STK32C: variants seen among roughly 807,000 people sequenced by gnomAD.
STK32C encodes the protein serine/threonine-protein kinase 32C.
Under a neutral mutation model 56.5 loss-of-function variants are expected in STK32C, and 31 were observed. That is an observed-to-expected ratio of 0.55 (90% CI 0.41 to 0.74). The LOEUF is 0.74. Among genes scored for constraint, STK32C ranks in the 30% least tolerant of loss-of-function variants. The pLI, the probability that STK32C is intolerant of heterozygous loss-of-function variation, is 0.00. For synonymous variants in STK32C, 309 were observed against 289.4 expected (o/e 1.07, Z -0.69); for missense variants, 544 against 676.9 (o/e 0.80, Z 2.18).
intron 2 of STK32C, among the ~76,000 whole-genome samples, chr10:132,233,258 G>A (rs1385482580): frequency 1.3e-5 from 2 of 152,178 alleles, no homozygotes; most frequent in Admixed American, 6.5e-5. Context: ...TGGAGGCAGA[G>A]GGGTCCCCCA....
chr10:132,296,412 A>G (rs569321057), intron 1 of STK32C, among the ~76,000 whole-genome samples: 4 of 152,012 alleles, frequency 2.6e-5, no homozygotes, highest in Non-Finnish European at 5.9e-5. Context: ...CGACAAATGT[A>G]CCCGGTTAAT....
chr10:132,288,440 T>C (rs1314642396), intron 1 of STK32C, among the ~76,000 whole-genome samples: 2 of 152,252 alleles, frequency 1.3e-5, no homozygotes, highest in Non-Finnish European at 2.9e-5. Context: ...AATTGGCTCC[T>C]GTGAGCCAGT....
intron 2 of STK32C, among the ~76,000 whole-genome samples, chr10:132,241,010 G>A (rs1405479772): frequency 2.6e-5 from 4 of 152,248 alleles, no homozygotes; most frequent in African/African-American, 9.6e-5. Flanking sequence ...CTGGCCGAGT[G>A]GAAATCCGGC....
chr10:132,241,085 C>T (rs1416999758), intron 2 of STK32C, among the ~76,000 whole-genome samples: 1 of 152,248 alleles, frequency 6.6e-6, no homozygotes, highest in African/African-American at 2.4e-5. Flanking sequence ...ACACCCCAAA[C>T]ACTCCTAGTT....
exon 1 of STK32C, chr10:132,331,795 T>C (rs2138536192): frequency 6.2e-7 from 1 of 1,600,058 alleles, no homozygotes. Context: ...CCTCGCGGTC[T>C]CTACTTGCCC....
At chr10:132,227,120 G>A in intron 3 of STK32C, 152 bp from the exon 4 acceptor site, 1 of 874,854 alleles carries the variant, frequency 1.1e-6, no homozygotes, top group Non-Finnish European at 1.8e-6. Flanking sequence ...CCAAGGCACT[G>A]ATTGCACCCC....
chr10:132,241,951 A>C (rs924221606), intron 2 of STK32C, among the ~76,000 whole-genome samples: 1 of 152,138 alleles, frequency 6.6e-6, no homozygotes, highest in Non-Finnish European at 1.5e-5. Context: ...TACTAAAAAT[A>C]CAAAAAAAAT....
intron 1 of STK32C, among the ~76,000 whole-genome samples, chr10:132,273,757 A>AG (rs2064908482): frequency 6.6e-6 from 1 of 152,194 alleles, no homozygotes; most frequent in South Asian, 2.1e-4. Context: ...GAATGAATGC[A>AG]GTGAGTGAAT....
intron 4 of STK32C, among the ~76,000 whole-genome samples, chr10:132,226,091 C>T (rs2062879448): frequency 6.6e-6 from 1 of 152,248 alleles, no homozygotes; most frequent in African/African-American, 2.4e-5. Context: ...TGCCCTCCCC[C>T]TCCAAGACTC....
upstream of STK32C, chr10:132,331,923 C>A (rs1403742244): frequency 1.5e-5 from 10 of 680,430 alleles, 2 homozygotes; most frequent in South Asian, 4.3e-5. Context: ...ACAACCCCCC[C>A]ACCGCAAGCG....
intron 4 of STK32C, among the ~76,000 whole-genome samples, chr10:132,226,022 A>G (rs1217804388): frequency 6.6e-6 from 1 of 152,186 alleles, no homozygotes; most frequent in Non-Finnish European, 1.5e-5. Context: ...CACACCTGGC[A>G]CCAGATGCTG....
At chr10:132,294,097 A>C (rs1379108894) in intron 1 of STK32C, among the ~76,000 whole-genome samples, 3 of 152,186 alleles carry the variant, frequency 2.0e-5, no homozygotes, top group Non-Finnish European at 4.4e-5. Flanking sequence ...GAATGTGGGA[A>C]ACAGGTCCCA....
chr10:132,264,686 CCTAGTGGGGCT>C (rs1565125035), intron 1 of STK32C, among the ~76,000 whole-genome samples: 1 of 152,162 alleles, frequency 6.6e-6, no homozygotes, highest in Admixed American at 6.5e-5. Flanking sequence ...CAAACCAGCA[CCTAGTGGGGCT>C]CGCATGGGGC....
chr10:132,225,964 G>A (rs528397506), intron 4 of STK32C, among the ~76,000 whole-genome samples, 180 bp from the exon 5 acceptor site: 2 of 152,362 alleles, frequency 1.3e-5, no homozygotes, highest in Admixed American at 6.5e-5. Flanking sequence ...TGGGGGCAGA[G>A]GCGATGAAGT....
intron 1 of STK32C, among the ~76,000 whole-genome samples, chr10:132,273,309 T>C (rs886386614): frequency 6.6e-6 from 1 of 151,896 alleles, no homozygotes; most frequent in Non-Finnish European, 1.5e-5. Context: ...GTGAACGGGC[T>C]CTAAGTCCCT....
chr10:132,324,249 T>C, exon 2 of STK32C: 1 of 779,768 alleles, frequency 1.3e-6, no homozygotes, highest in Non-Finnish European at 2.4e-6. Flanking sequence ...CACCCCCTCT[T>C]GATGGGCCAC....
intron 1 of STK32C, among the ~76,000 whole-genome samples, chr10:132,258,574 C>G (rs1006935498): frequency 6.6e-6 from 1 of 152,236 alleles, no homozygotes; most frequent in Non-Finnish European, 1.5e-5. Flanking sequence ...TGGGCCAGCG[C>G]GCAGGCCTTC....
intron 1 of STK32C, among the ~76,000 whole-genome samples, chr10:132,330,001 A>T (rs1256866101): frequency 6.6e-6 from 1 of 152,246 alleles, no homozygotes; most frequent in African/African-American, 2.4e-5. Flanking sequence ...AAGGTCCTAA[A>T]ATCAAGACAG....
intron 2 of STK32C, among the ~76,000 whole-genome samples, chr10:132,244,590 A>C (rs901620158): frequency 1.2e-4 from 19 of 152,164 alleles, no homozygotes; most frequent in Non-Finnish European, 5.9e-5. Context: ...CCCTCTCCAG[A>C]CATGCTGGCC....
Sources: gnomAD v4.1 joint callset for allele counts (sites outside exome capture counted in the v4.1 genomes callset) on GRCh38, gnomAD v4.1.1 for gene constraint, MANE v1.5 for transcripts, NCBI Gene and HGNC (gene_info 2026-07-23, HGNC 2026-07-21) for gene names.